The following GRID2 variants were observed in gnomAD, a reference collection of about 807,000 sequenced individuals.
The protein encoded by GRID2 is glutamate ionotropic receptor delta type subunit 2.
A neutral mutation model predicts 114.8 loss-of-function variants in GRID2; 33 were observed. That is an observed-to-expected ratio of 0.29 (90% CI 0.22 to 0.38). The LOEUF (loss-of-function observed/expected upper bound fraction) is 0.38. Ranked by LOEUF, GRID2 falls within the 10% of genes least tolerant of loss-of-function variation. GRID2 has a pLI of 1.00. For missense variants in GRID2, 1,184 were observed against 1,257.7 expected, an observed-to-expected ratio of 0.94 and a Z score of 0.89; for synonymous variants, 505 against 449.9, an observed-to-expected ratio of 1.12 and a Z score of -1.55.
chr4:93,671,919 G>T (rs139399316), intron 14 of GRID2, among the ~76,000 whole-genome samples: 8 of 152,008 alleles, frequency 5.3e-5, no homozygotes, highest in Non-Finnish European at 8.8e-5. Context: ...AGGTTGCAGT[G>T]AGCCAACATC....
intron 2 of GRID2, among the ~76,000 whole-genome samples, chr4:93,032,612 C>A (rs1005523695): frequency 6.6e-6 from 1 of 152,062 alleles, no homozygotes; most frequent in African/African-American, 2.4e-5. Context: ...AAACTAATGT[C>A]ACTTGAGAAC....
At chr4:92,481,971 A>C (rs968775728) in intron 1 of GRID2, among the ~76,000 whole-genome samples, 2 of 110,128 alleles carry the variant, frequency 1.8e-5, no homozygotes, top group Admixed American at 2.0e-4. Context: ...TGGACTGGAG[A>C]ATAAAATGTG....
At chr4:93,256,540 AT>A (rs1216926304) in intron 8 of GRID2, among the ~76,000 whole-genome samples, 1 of 151,880 alleles carries the variant, frequency 6.6e-6, no homozygotes, top group African/African-American at 2.4e-5. Context: ...GGTTAGACCT[AT>A]ATTGAGGAAC....
intron 2 of GRID2, among the ~76,000 whole-genome samples, chr4:92,930,144 T>G (rs1750115952): frequency 6.6e-6 from 1 of 151,252 alleles, no homozygotes; most frequent in Admixed American, 6.6e-5. Flanking sequence ...AATGACTTAC[T>G]CAAGATCACA....
intron 2 of GRID2, among the ~76,000 whole-genome samples, chr4:92,743,637 T>G (rs974905201): frequency 1.3e-5 from 2 of 152,206 alleles, no homozygotes; most frequent in Non-Finnish European, 2.9e-5. Context: ...ATCAAATTAT[T>G]GGATCTTCCT....
intron 4 of GRID2, among the ~76,000 whole-genome samples, chr4:93,155,118 C>A (rs1737062157): frequency 6.6e-6 from 1 of 151,854 alleles, no homozygotes; most frequent in Non-Finnish European, 1.5e-5. Context: ...CAGTGATTGG[C>A]CTGATGATCC....
chr4:93,034,183 C>G (rs1350127030), intron 2 of GRID2, among the ~76,000 whole-genome samples: 2 of 152,078 alleles, frequency 1.3e-5, no homozygotes, highest in Non-Finnish European at 2.9e-5. Flanking sequence ...GACATATTTC[C>G]AGTAACATTT....
At position 92,593,087 on chromosome 4, in the gene GRID2, A is replaced by G. The variant is rs529596448; in HGVS notation, c.244+2801A>G. On this transcript the variant is annotated intron_variant, in intron 2 of 15. Coordinates refer to ENST00000282020, the MANE Select transcript of GRID2 (RefSeq NM_001510.4). ...AAAGAAGGAAAAAAGATTCAATGAT[A>G]CAATTATAAGTGATTGCTTATATAT... Among the ~76,000 whole-genome samples, 51 of 152,150 alleles carry G rather than the reference A, an allele frequency of 3.4e-4. 1 individual carries two copies. Among genetic ancestry groups the G allele is most frequent in the African/African-American group, 1.1e-3 (47 of 41,570 alleles).
chr4:92,977,422 T>G (rs575099189), intron 2 of GRID2, among the ~76,000 whole-genome samples: 2 of 152,236 alleles, frequency 1.3e-5, no homozygotes, highest in East Asian at 1.9e-4. Flanking sequence ...GAAGAGAAAT[T>G]AATATAACTG....
At chr4:92,587,098 C>CTG (rs70942914) in intron 1 of GRID2, among the ~76,000 whole-genome samples, 41,039 of 133,464 alleles carry the variant, frequency 0.31, 6,381 homozygotes, top group Admixed American at 0.44. Context: ...TGATGAAATG[C>CTG]TGTGTGTGTG....
At chr4:92,467,966 C>G (rs1378961377) in intron 1 of GRID2, among the ~76,000 whole-genome samples, 1 of 151,814 alleles carries the variant, frequency 6.6e-6, no homozygotes, top group East Asian at 1.9e-4. Context: ...TGTAAACTTA[C>G]CTATGACTAC....
Position 92,701,011 on chromosome 4 carries a change from G to C in GRID2, c.244+110725G>C, listed in dbSNP as rs55768529. ...TCCATCTCAAAAAAAAAAAAAAAAA[G>C]ACACATACATTACAGATAGAAGGGT... On this transcript the variant is annotated intron_variant, in intron 2 of 15. Coordinates refer to ENST00000282020, the MANE Select transcript of GRID2 (RefSeq NM_001510.4). Among the ~76,000 whole-genome samples, 7 of 136,052 alleles carry C rather than the reference G, an allele frequency of 5.1e-5. No individual in the cohort carries two copies. In the South Asian group the frequency reaches 1.8e-3, roughly 34 times the overall value. The allele number at this position is 136,052 out of a possible 152,430, so 89.3% of individuals were successfully genotyped here. A position where few individuals can be genotyped will look rare whatever the true frequency, so the allele number is the denominator to read the frequency against.
chr4:92,616,280 A>G (rs367695444), intron 2 of GRID2, among the ~76,000 whole-genome samples: 129 of 146,380 alleles, frequency 8.8e-4, no homozygotes, highest in African/African-American at 3.1e-3. Context: ...TTTTTTTTTT[A>G]TTTGTTTAAG....
intron 13 of GRID2, among the ~76,000 whole-genome samples, chr4:93,596,268 G>A (rs2149629118): frequency 6.6e-6 from 1 of 152,228 alleles, no homozygotes; most frequent in South Asian, 2.1e-4. Flanking sequence ...ACCCCAATAT[G>A]GCTTTCTTAG....
chr4:92,915,209 T>G (rs2149495046), intron 2 of GRID2, among the ~76,000 whole-genome samples: 1 of 152,274 alleles, frequency 6.6e-6, no homozygotes, highest in South Asian at 2.1e-4. Flanking sequence ...CATTATTCAG[T>G]TATCTTCACT....
At chr4:93,678,598 C>A (rs1390708031) in intron 14 of GRID2, among the ~76,000 whole-genome samples, 2 of 152,042 alleles carry the variant, frequency 1.3e-5, no homozygotes, top group African/African-American at 4.8e-5. Flanking sequence ...ACTCTACAAG[C>A]CAAAAGAGAG....
intron 14 of GRID2, among the ~76,000 whole-genome samples, chr4:93,757,346 G>A (rs571847691): frequency 1.3e-5 from 2 of 152,276 alleles, no homozygotes; most frequent in East Asian, 1.9e-4. Flanking sequence ...AACTCCGTTC[G>A]TCTTTTCAGA....
At chr4:92,379,450 T>C (rs1208746883) in intron 1 of GRID2, among the ~76,000 whole-genome samples, 1 of 152,060 alleles carries the variant, frequency 6.6e-6, no homozygotes, top group Non-Finnish European at 1.5e-5. Context: ...TACTTTCAGC[T>C]GTTGTACATA....
intron 2 of GRID2, among the ~76,000 whole-genome samples, chr4:93,005,208 A>T (rs1022156387): frequency 2.0e-5 from 3 of 152,068 alleles, no homozygotes; most frequent in African/African-American, 7.2e-5. Context: ...TTAATTTTTT[A>T]AATTTTTTAT....
Sources: allele counts gnomAD v4.1 joint callset (sites outside exome capture counted in the v4.1 genomes callset), GRCh38; gene constraint gnomAD v4.1.1; transcripts MANE v1.5; gene names NCBI Gene and HGNC (gene_info 2026-07-23, HGNC 2026-07-21).